Variants in ANKRD28 observed in about 807,000 individuals in gnomAD.
ANKRD28 encodes the protein ankyrin repeat domain 28, also known as serine/threonine-protein phosphatase 6 regulatory ankyrin repeat subunit A.
ANKRD28 carries 44 observed loss-of-function variants against 126.5 expected under a neutral mutation model. That is an observed-to-expected ratio of 0.35 (90% confidence interval 0.27 to 0.45). The LOEUF is 0.45. Ranked by LOEUF, ANKRD28 falls within the 20% of genes least tolerant of loss-of-function variation. The pLI is 1.00. For synonymous variants in ANKRD28, 442 were observed against 468.5 expected (o/e 0.94, Z 0.73); for missense variants, 1,110 against 1,316.6 (o/e 0.84, Z 2.43).
rs2060287323 is a variant in ANKRD28 at position 15,796,631 on chromosome 3, C to T, written c.-110G>A. On this transcript the variant is annotated 5_prime_UTR_variant, in exon 1 of 28. Transcript: ENST00000683139. ...ACAACACTTACAAACATTCTCTGAA[C>T]AGCACAGCTGGGTTTTTTTTTTTTT... 1 of 1,029,836 alleles carries T rather than the reference C, an allele frequency of 9.7e-7. No individual in the cohort carries two copies. The highest frequency in any genetic ancestry group is 1.2e-6 in the Non-Finnish European group (1 of 855,044). 63.8% of individuals were successfully genotyped at this position (1,029,836 alleles called of 1,614,324 possible). A position where few individuals can be genotyped will look rare whatever the true frequency, so the allele number is the denominator to read the frequency against.
rs866051262 is a variant in ANKRD28 at position 15,693,477 on chromosome 3, A to G, written c.1761+1262T>C. On this transcript the variant is annotated intron_variant, in intron 17 of 27. Coordinates refer to ENST00000683139, the MANE Select transcript of ANKRD28 (RefSeq NM_001349278.2). ...AGGAAACAACATCATTAAACTGATA[A>G]CTAAGTCCTAAAGACTGCAGGGCTT... Among the ~76,000 whole-genome samples, 10 of 152,300 alleles carry G rather than the reference A, an allele frequency of 6.6e-5. No individual in the cohort carries two copies. The Middle Eastern group carries it at 0.017, about 259-fold the overall frequency.
At chr3:15,694,203 T>C (rs2125868832) in intron 17 of ANKRD28, among the ~76,000 whole-genome samples, 1 of 129,208 alleles carries the variant, frequency 7.7e-6, no homozygotes, top group South Asian at 2.5e-4. Context: ...CTCCATTTAG[T>C]GATTGACACT....
chr3:15,687,419 G>A (rs1003659373), intron 18 of ANKRD28, among the ~76,000 whole-genome samples: 1 of 152,062 alleles, frequency 6.6e-6, no homozygotes, highest in Non-Finnish European at 1.5e-5. Flanking sequence ...ATGGGCAAGG[G>A]TACAAGTAGA....
chr3:15,675,762 G>T, intron 27 of ANKRD28, 136 bp downstream of exon 27: 2 of 662,666 alleles, frequency 3.0e-6, no homozygotes, highest in Non-Finnish European at 4.6e-6. Flanking sequence ...TTATTCCTTT[G>T]CCACAAACTA....
chr3:15,703,681 C>A (rs929238432), intron 14 of ANKRD28, among the ~76,000 whole-genome samples: 3 of 152,074 alleles, frequency 2.0e-5, no homozygotes, highest in South Asian at 2.1e-4. Flanking sequence ...TTATACCAGT[C>A]CAAACAGACT....
chr3:15,715,725 A>G (rs1248170420), intron 8 of ANKRD28, among the ~76,000 whole-genome samples: 1 of 152,198 alleles, frequency 6.6e-6, no homozygotes, highest in Non-Finnish European at 1.5e-5. Context: ...TCAACTGAAA[A>G]TGAGGATAAT....
chr3:15,859,370 C>T, intron 1 of ANKRD28: 2 of 1,529,154 alleles, frequency 1.3e-6, no homozygotes, highest in African/African-American at 1.4e-5. Flanking sequence ...TGCAGCCCCT[C>T]ACCTACCTGG....
At chr3:15,719,722 A>T (rs987403066) in intron 8 of ANKRD28, among the ~76,000 whole-genome samples, 1 of 151,734 alleles carries the variant, frequency 6.6e-6, no homozygotes, top group African/African-American at 2.4e-5. Flanking sequence ...GATAATTTTT[A>T]ATTTTTTTTT....
intron 27 of ANKRD28, among the ~76,000 whole-genome samples, chr3:15,673,716 G>C (rs529877847): frequency 1.6e-4 from 25 of 152,270 alleles, no homozygotes; most frequent in African/African-American, 5.8e-4. Flanking sequence ...TTAGTCATGG[G>C]ATGTTTGGGG....
At chr3:15,732,462 G>T (rs2074706846) in intron 6 of ANKRD28, 1 of 152,308 alleles carries the variant, frequency 6.6e-6, no homozygotes, top group African/African-American at 2.4e-5. Context: ...GGTCAACTCA[G>T]TGTTCATGAC....
At chr3:15,777,101 C>T (rs1262986818) in intron 2 of ANKRD28, among the ~76,000 whole-genome samples, 1 of 151,848 alleles carries the variant, frequency 6.6e-6, no homozygotes, top group Non-Finnish European at 1.5e-5. Context: ...TGGTGAAACC[C>T]CATCTCTACA....
chr3:15,803,792 A>G (rs2060518616), intron 1 of ANKRD28, among the ~76,000 whole-genome samples: 1 of 144,042 alleles, frequency 6.9e-6, no homozygotes, highest in Non-Finnish European at 1.5e-5. Context: ...CCAAATTTAT[A>G]CAATGAAGAA....
rs185386403 is a variant in ANKRD28 at position 15,766,256 on chromosome 3, G to C, written c.258C>G (p.Ile86Met). Residue 86 changes from isoleucine to methionine, a missense_variant, in exon 3 of 28, where the codon ATC (isoleucine) becomes ATG (methionine). Physicochemically the swap from Ile to Met is conservative, Grantham distance 10. Transcript: ENST00000683139. Reference protein sequence around the residue: ...HAAAYLGDAEIIELLILSGAR... With the variant: ...HAAAYLGDAEMIELLILSGAR... ...TACCAGATAAAATAAGAAGTTCAAT[G>C]ATTTCTGCATCTCCAAGGTAAGCTG... The C allele has an allele frequency of 9.3e-6, 15 of 1,610,960 alleles. No individual in the cohort carries two copies. The highest frequency in any genetic ancestry group is 1.7e-5 in the Admixed American group (1 of 59,972).
chr3:15,757,723 C>A lies in ANKRD28; in HGVS notation c.281-5903G>T, dbSNP rs192736516. Among the ~76,000 whole-genome samples, 5 of 152,232 alleles carry A rather than the reference C, an allele frequency of 3.3e-5. No homozygotes were observed. The East Asian group carries it at 9.6e-4, about 29-fold the overall frequency. On this transcript the variant is annotated intron_variant, in intron 3 of 27. Transcript: ENST00000683139. ...AAATCTTCTGGCATCACGATCTTCC[C>A]AGGCCCCAGAACTGAGAAAAATTTT...
chr3:15,805,649 CCTT>C (rs1311190056), intron 1 of ANKRD28, among the ~76,000 whole-genome samples: 6 of 151,964 alleles, frequency 3.9e-5, no homozygotes, highest in Non-Finnish European at 5.9e-5. Flanking sequence ...TGAATTTTGC[CCTT>C]CTTAAAAAAA....
At chr3:15,714,695 C>T (rs773965026) in intron 8 of ANKRD28, 39 bp from the exon 9 acceptor site, 1 of 1,440,224 alleles carries the variant, frequency 6.9e-7, no homozygotes, top group East Asian at 2.3e-5. Context: ...TCTACTATAT[C>T]CATAATGTGT....
At position 15,710,487 on chromosome 3, in the gene ANKRD28, C is replaced by G. The variant is rs574202916; in HGVS notation, c.1337+724G>C. 5.8e-4 allele frequency among the ~76,000 whole-genome samples: 89 copies of G among 152,302 alleles called. No homozygotes were observed. The South Asian group carries it at 0.018, about 32-fold the overall frequency. On this transcript the variant is annotated intron_variant, in intron 12 of 27. Coordinates refer to ENST00000683139, the MANE Select transcript of ANKRD28 (RefSeq NM_001349278.2). ...AACCAGTCACATGCTCACAATCCAT[C>G]TCTACAACTTAGACTGTGCTGGTGT...
intron 3 of ANKRD28, among the ~76,000 whole-genome samples, chr3:15,753,494 C>T (rs1203194234): frequency 6.6e-6 from 1 of 152,180 alleles, no homozygotes; most frequent in Non-Finnish European, 1.5e-5. Flanking sequence ...TGTGCACATG[C>T]ATATCTATAC....
chr3:15,774,395 A>C (rs1433190817), intron 2 of ANKRD28, among the ~76,000 whole-genome samples: 1 of 152,096 alleles, frequency 6.6e-6, no homozygotes, highest in Non-Finnish European at 1.5e-5. Context: ...TATATAAAGA[A>C]CTCTCAAAAC....
Sources: gnomAD v4.1 joint callset for allele counts (sites outside exome capture counted in the v4.1 genomes callset) on GRCh38, gnomAD v4.1.1 for gene constraint, MANE v1.5 for transcripts, NCBI Gene and HGNC (gene_info 2026-07-23, HGNC 2026-07-21) for gene names.